TSPAN18: variants seen among roughly 807,000 people sequenced by gnomAD.
The protein encoded by TSPAN18 is tetraspanin-18.
Under a neutral mutation model 27.3 loss-of-function variants are expected in TSPAN18, and 14 were observed. The ratio of observed to expected loss-of-function variants is 0.51; its 90% CI spans 0.34 to 0.80. TSPAN18 has a LOEUF of 0.80. Ranked by LOEUF, TSPAN18 falls within the 30% of genes least tolerant of loss-of-function variation. TSPAN18 has a pLI of 0.01. For missense variants in TSPAN18, 268 were observed against 323.9 expected (o/e 0.83, Z 1.32); for synonymous variants, 143 against 136.5 (o/e 1.05, Z -0.33).
rs1028256526 is a variant in TSPAN18, at chr11:44,776,102, C to T, written c.-153+11590C>T. Among the ~76,000 whole-genome samples the T allele has an allele frequency of 3.3e-5, 5 of 152,190 alleles. No individual in the cohort carries two copies. In the East Asian group the frequency reaches 7.7e-4, roughly 23 times the overall value. On this transcript the variant is annotated intron_variant, in intron 2 of 9. Transcript: ENST00000520358. ...CACTGTTGTAAATGTCAGTCTTCAC[C>T]GAGTGGCCCAGTTATTGGGCTTTAC...
At chr11:44,929,011 T>C in intron 9 of TSPAN18, 120 bp from the exon 10 acceptor site, 1 of 1,296,858 alleles carries the variant, frequency 7.7e-7, no homozygotes, top group East Asian at 2.3e-5. Context: ...TCAGGAATCC[T>C]TAGGGGAGGA....
At chr11:44,781,360 A>G (rs193079302) in intron 2 of TSPAN18, among the ~76,000 whole-genome samples, 200 of 152,338 alleles carry the variant, frequency 1.3e-3, no homozygotes, top group African/African-American at 4.4e-3. Flanking sequence ...GAGGTGGCTA[A>G]GTGGCTGCTT....
At chr11:44,875,571 G>A (rs1323952861) in intron 3 of TSPAN18, among the ~76,000 whole-genome samples, 1 of 152,184 alleles carries the variant, frequency 6.6e-6, no homozygotes, top group Non-Finnish European at 1.5e-5. Flanking sequence ...ACAGCATTCA[G>A]CACGTAATTA....
intron 3 of TSPAN18, among the ~76,000 whole-genome samples, chr11:44,889,286 C>T (rs1012482264): frequency 3.5e-4 from 54 of 152,362 alleles, no homozygotes; most frequent in African/African-American, 1.2e-3. Context: ...AACCCCTCTC[C>T]TTGAAGATGA....
chr11:44,928,423 G>T (rs1324272570), intron 9 of TSPAN18, among the ~76,000 whole-genome samples: 1 of 152,230 alleles, frequency 6.6e-6, no homozygotes, highest in Non-Finnish European at 1.5e-5. Flanking sequence ...GCCTGGGACT[G>T]AAACCCAAGC....
chr11:44,922,563 G>C (rs1262678047), intron 8 of TSPAN18, among the ~76,000 whole-genome samples: 1 of 152,186 alleles, frequency 6.6e-6, no homozygotes, highest in Non-Finnish European at 1.5e-5. Context: ...GTGGCCCCCT[G>C]GTCCACATTG....
At chr11:44,806,853 C>T (rs977760933) in intron 2 of TSPAN18, among the ~76,000 whole-genome samples, 2 of 152,066 alleles carry the variant, frequency 1.3e-5, no homozygotes, top group African/African-American at 2.4e-5. Context: ...AGTGTATTAG[C>T]AATAAGAGGC....
intron 3 of TSPAN18, among the ~76,000 whole-genome samples, chr11:44,893,207 G>C (rs1190720869): frequency 2.0e-5 from 3 of 152,236 alleles, no homozygotes; most frequent in Admixed American, 1.3e-4. Context: ...TCAACTCACA[G>C]ACTAGAGAGG....
chr11:44,739,562 T>A (rs1854880802), intron 1 of TSPAN18, among the ~76,000 whole-genome samples: 1 of 152,126 alleles, frequency 6.6e-6, no homozygotes, highest in Non-Finnish European at 1.5e-5. Flanking sequence ...AGGCAGAGGT[T>A]GTAGTGAGCT....
At chr11:44,879,054 C>T (rs912543510) in intron 3 of TSPAN18, among the ~76,000 whole-genome samples, 1 of 152,148 alleles carries the variant, frequency 6.6e-6, no homozygotes, top group African/African-American at 2.4e-5. Context: ...ACAGTTGGTT[C>T]GATGCTCTGC....
rs147927606 is a variant in TSPAN18, at chr11:44,791,759, G to A, written c.-153+27247G>A. 5.0e-3 allele frequency among the ~76,000 whole-genome samples: 757 copies of A among 152,310 alleles called. 5 individuals are homozygous for A. The highest frequency in any genetic ancestry group is 0.017 in the African/African-American group (727 of 41,572). ...GCCAGAGAGGGCTCACGGAGGGCTC[G>A]TGGCCAAGGGCAGCAGTGAATCTCC... On this transcript the variant is annotated intron_variant, in intron 2 of 9. Coordinates refer to ENST00000520358, the MANE Select transcript of TSPAN18 (RefSeq NM_130783.5).
At chr11:44,761,293 G>A (rs1168138359) in intron 1 of TSPAN18, among the ~76,000 whole-genome samples, 1 of 152,112 alleles carries the variant, frequency 6.6e-6, no homozygotes, top group East Asian at 1.9e-4. Context: ...TTGCACCCAG[G>A]ACCCGTTCCT....
chr11:44,759,347 A>G (rs1461703692), intron 1 of TSPAN18, among the ~76,000 whole-genome samples: 1 of 152,156 alleles, frequency 6.6e-6, no homozygotes, highest in Non-Finnish European at 1.5e-5. Flanking sequence ...CTAGGGGGTG[A>G]TGGTGTTTGA....
chr11:44,897,150 C>T (rs1226730405), intron 3 of TSPAN18, among the ~76,000 whole-genome samples: 3 of 152,170 alleles, frequency 2.0e-5, no homozygotes, highest in Admixed American at 6.5e-5. Context: ...TGGAATTCCC[C>T]GCAGGAGTGA....
chr11:44,928,804 T>G (rs1860463089), intron 9 of TSPAN18, among the ~76,000 whole-genome samples: 1 of 148,698 alleles, frequency 6.7e-6, no homozygotes, highest in South Asian at 2.1e-4. Flanking sequence ...AAAAAAAAAC[T>G]GTGCCTGGCA....
At chr11:44,825,991 C>A (rs558005286) in intron 2 of TSPAN18, among the ~76,000 whole-genome samples, 246 of 152,292 alleles carry the variant, frequency 1.6e-3, no homozygotes, top group Non-Finnish European at 2.8e-3. Context: ...CTGCATTTCC[C>A]ATCATTACAA....
At chr11:44,821,450 A>G (rs1357248934) in intron 2 of TSPAN18, among the ~76,000 whole-genome samples, 2 of 152,142 alleles carry the variant, frequency 1.3e-5, no homozygotes, top group African/African-American at 4.8e-5. Flanking sequence ...TGAACCTGCG[A>G]TTGTTCTGTT....
chr11:44,774,070 C>A (rs1436008274), intron 2 of TSPAN18, among the ~76,000 whole-genome samples: 2 of 152,268 alleles, frequency 1.3e-5, no homozygotes, highest in East Asian at 1.9e-4. Flanking sequence ...AATTAAAAAT[C>A]TCATAAATAC....
rs1856916997 is a variant in TSPAN18 at position 44,821,023 on chromosome 11, T to TA, written c.-152-39304dup. On this transcript the variant is annotated intron_variant, in intron 2 of 9. Transcript: ENST00000520358. The stretch of plus-strand genomic sequence containing the variant: ...TTTAAATCAATTACCCAGTCTCAGG[T>TA]ATTCCTCCAGAGCAATACATATGGA... 3.3e-5 allele frequency among the ~76,000 whole-genome samples: 5 copies of TA among 152,292 alleles called. No homozygotes were observed. In the South Asian group the frequency reaches 8.3e-4, roughly 25 times the overall value.
Sources: gnomAD v4.1 joint callset for allele counts (sites outside exome capture counted in the v4.1 genomes callset) on GRCh38, gnomAD v4.1.1 for gene constraint, MANE v1.5 for transcripts, NCBI Gene and HGNC (gene_info 2026-07-23, HGNC 2026-07-21) for gene names.